CORO1C: variants seen among roughly 807,000 people sequenced by gnomAD.
CORO1C encodes coronin-1C.
Under a neutral mutation model 51.2 loss-of-function variants are expected in CORO1C, and 14 were observed. The observed-to-expected ratio is 0.27, with a 90% CI of 0.18 to 0.43. The LOEUF is 0.43. Among genes scored for constraint, CORO1C ranks in the 20% least tolerant of loss-of-function variants. The pLI, the probability that CORO1C is intolerant of heterozygous loss-of-function variation, is 1.00. For missense variants in CORO1C, 417 were observed against 607.8 expected (o/e 0.69, Z 3.30); for synonymous variants, 181 against 210.5 (o/e 0.86, Z 1.21).
rs1425585557 is a variant in CORO1C, at chr12:108,690,087, A to T, written c.195+11037T>A. Among the ~76,000 whole-genome samples the T allele has an allele frequency of 3.9e-5, 6 of 151,946 alleles. No individual in the cohort carries two copies. The East Asian group carries it at 1.2e-3, about 29-fold the overall frequency. On this transcript the variant is annotated intron_variant, in intron 2 of 10. Coordinates refer to ENST00000261401, the MANE Select transcript of CORO1C (RefSeq NM_014325.4). ...AAGCCCCTGCTGCTCCACGGGGAGG[A>T]GCTAGAGTGATTGTGGTCATGGGAC...
rs139319796 is a variant in CORO1C at position 108,678,046 on chromosome 12, G to A, written c.318+226C>T. 6.4e-3 allele frequency among the ~76,000 whole-genome samples: 968 copies of A among 151,752 alleles called. 6 individuals are homozygous for A. The highest frequency in any genetic ancestry group is 1.0e-2 in the Non-Finnish European group (678 of 67,880). ...AAAAAAAAAAGAAAAAGAAAGACACGGCAGACACTGCAGTACAACCTTTTT... is the reference window on the plus strand; with the variant it reads ...AAAAAAAAAAGAAAAAGAAAGACACAGCAGACACTGCAGTACAACCTTTTT... On this transcript the variant is annotated intron_variant, in intron 3 of 10. Transcript: ENST00000261401.
At chr12:108,718,254 G>C (rs1181545635) in intron 1 of CORO1C, among the ~76,000 whole-genome samples, 1 of 152,154 alleles carries the variant, frequency 6.6e-6, no homozygotes, top group Non-Finnish European at 1.5e-5. Context: ...TCGGGAGGCT[G>C]AGGCAGGAGA....
At position 108,722,113 on chromosome 12, in the gene CORO1C, T is replaced by C. The variant is rs141653743; in HGVS notation, c.-6+9316A>G. Among the ~76,000 whole-genome samples the C allele has an allele frequency of 4.5e-3, 689 of 152,280 alleles. 4 individuals are homozygous for C. The highest frequency in any genetic ancestry group is 6.7e-3 in the Non-Finnish European group (456 of 68,012). The stretch of plus-strand genomic sequence containing the variant: ...CCCCTTGAAACCTTGCTGTAATGAC[T>C]GAATGCAAACATTTCAAAGAGACAA... On this transcript the variant is annotated intron_variant, in intron 1 of 10. Transcript: ENST00000261401.
At chr12:108,673,948 A>G (rs1393640813) in intron 3 of CORO1C, among the ~76,000 whole-genome samples, 1 of 152,152 alleles carries the variant, frequency 6.6e-6, no homozygotes, top group African/African-American at 2.4e-5. Context: ...AAATGGAAAA[A>G]CAAAGCATGA....
At chr12:108,686,409 G>GA (rs2034297044) in intron 2 of CORO1C, among the ~76,000 whole-genome samples, 2 of 152,144 alleles carry the variant, frequency 1.3e-5, no homozygotes, top group Admixed American at 6.5e-5. Context: ...AATTATTTAA[G>GA]AAACTCCCAC....
chr12:108,726,994 A>C (rs1243041743), intron 1 of CORO1C, among the ~76,000 whole-genome samples: 1 of 152,222 alleles, frequency 6.6e-6, no homozygotes, highest in Admixed American at 6.5e-5. Context: ...CATTCATGTT[A>C]TTTTAACATA....
chr12:108,680,244 TCA>T lies in CORO1C; in HGVS notation c.196-1852_196-1851del, dbSNP rs1472837517. On this transcript the variant is annotated intron_variant, in intron 2 of 10. Coordinates refer to ENST00000261401, the MANE Select transcript of CORO1C (RefSeq NM_014325.4). ...AAGACATTCAAGCAGGTTTGTGGGG[TCA>T]CAGTCTCTGGAGAGGTTTTCTTCTG... 2.6e-5 allele frequency among the ~76,000 whole-genome samples: 4 copies of T among 152,072 alleles called. No individual in the cohort carries two copies. In the South Asian group the frequency reaches 6.2e-4, roughly 24 times the overall value.
At chr12:108,678,447 A>G in intron 2 of CORO1C, 53 bp from the exon 3 acceptor site, 1 of 1,402,508 alleles carries the variant, frequency 7.1e-7, no homozygotes, top group Non-Finnish European at 9.4e-7. Flanking sequence ...CACAGACGTT[A>G]TACATTTTCT....
chr12:108,673,779 AATG>A (rs1477442181), intron 3 of CORO1C, among the ~76,000 whole-genome samples: 4 of 152,164 alleles, frequency 2.6e-5, no homozygotes, highest in Admixed American at 1.3e-4. Context: ...CCTAATGCTA[AATG>A]ATGAGTTAAT....
chr12:108,689,814 T>A (rs2034434115), intron 2 of CORO1C, among the ~76,000 whole-genome samples: 1 of 152,202 alleles, frequency 6.6e-6, no homozygotes, highest in Admixed American at 6.5e-5. Flanking sequence ...ATTTCAATCA[T>A]AACTTATTTT....
chr12:108,662,317 G>GT (rs149021672), intron 3 of CORO1C, among the ~76,000 whole-genome samples, 159 bp from the exon 4 acceptor site: 2,536 of 148,434 alleles, frequency 0.017, 97 homozygotes, highest in African/African-American at 0.058. Context: ...GTGTTAGGCG[G>GT]TTTTTTTTTT....
intron 3 of CORO1C, among the ~76,000 whole-genome samples, chr12:108,675,299 C>G (rs909493469): frequency 6.6e-6 from 1 of 152,118 alleles, no homozygotes; most frequent in Non-Finnish European, 1.5e-5. Flanking sequence ...GCCTGAAACA[C>G]CTCAACATAT....
rs542483483 is a variant in CORO1C, at chr12:108,700,794, A to G, written c.195+330T>C. Reference sequence around the variant, plus strand: ...ACTTTGGAGTAAAAGCCAGTTTTTAAAACTGCACTCTAAAAGAAAAATTTT... The same window carrying G: ...ACTTTGGAGTAAAAGCCAGTTTTTAGAACTGCACTCTAAAAGAAAAATTTT... On this transcript the variant is annotated intron_variant, in intron 2 of 10. Coordinates refer to ENST00000261401, the MANE Select transcript of CORO1C (RefSeq NM_014325.4). 5.1e-5 allele frequency: 11 copies of G among 216,976 alleles called. No individual in the cohort carries two copies. The East Asian group carries it at 1.1e-3, about 22-fold the overall frequency. 13.4% of individuals were successfully genotyped at this position (216,976 alleles called of 1,614,324 possible). A position where few individuals can be genotyped will look rare whatever the true frequency, so the allele number is the denominator to read the frequency against.
At chr12:108,715,667 T>TGCAGAACCATATAAATTCGCCTGA (rs11274706) in intron 1 of CORO1C, among the ~76,000 whole-genome samples, 1 of 123,754 alleles carries the variant, frequency 8.1e-6, no homozygotes, top group Non-Finnish European at 1.7e-5. Flanking sequence ...CTCACAACAC[T>TGCAGAACCATATAAATTCGCCTGA]GGCAGCAGCC....
chr12:108,721,250 C>G (rs2035466647), intron 1 of CORO1C, among the ~76,000 whole-genome samples: 2 of 152,184 alleles, frequency 1.3e-5, no homozygotes, highest in African/African-American at 2.4e-5. Context: ...AAATGCATAA[C>G]CTATTATCAT....
At chr12:108,659,039 A>T in intron 4 of CORO1C, 120 bp from the exon 5 acceptor site, 8 of 1,053,578 alleles carry the variant, frequency 7.6e-6, no homozygotes. Context: ...AGAGAGAAAG[A>T]GAGAGAGAGA....
chr12:108,696,438 G>C (rs2034687670), intron 2 of CORO1C: 1 of 152,092 alleles, frequency 6.6e-6, no homozygotes, highest in Non-Finnish European at 1.5e-5. Context: ...GGTTGTATGT[G>C]TATCTATCCA....
chr12:108,702,695 G>T, intron 1 of CORO1C: 1 of 1,252,198 alleles, frequency 8.0e-7, no homozygotes, highest in Non-Finnish European at 1.1e-6. Context: ...GAGACACATG[G>T]TGGGCTGTTG....
chr12:108,656,230 C>A (rs1238272379), intron 6 of CORO1C, among the ~76,000 whole-genome samples: 1 of 149,956 alleles, frequency 6.7e-6, no homozygotes, highest in Non-Finnish European at 1.5e-5. Flanking sequence ...CCGGCAGCCA[C>A]CCCGTCTGGG....
Sources: gnomAD v4.1 joint callset for allele counts (sites outside exome capture counted in the v4.1 genomes callset) on GRCh38, gnomAD v4.1.1 for gene constraint, MANE v1.5 for transcripts, NCBI Gene and HGNC (gene_info 2026-07-23, HGNC 2026-07-21) for gene names.